Variants in FRMD4A observed in about 807,000 individuals in gnomAD.
FRMD4A encodes the protein FERM domain-containing protein 4A.
In FRMD4A, 29 loss-of-function variants were observed where a neutral mutation model predicts 129.1. That is an observed-to-expected ratio of 0.22 (90% CI 0.17 to 0.31). The LOEUF is 0.31. Among genes scored for constraint, FRMD4A ranks in the 10% least tolerant of loss-of-function variants. FRMD4A has a pLI of 1.00. For missense variants in FRMD4A, 1,272 were observed against 1,375.8 expected, an observed-to-expected ratio of 0.92 and a Z score of 1.19; for synonymous variants, 634 against 571.6, an observed-to-expected ratio of 1.11 and a Z score of -1.56.
At chr10:14,244,136 G>A (rs779342006) in intron 2 of FRMD4A, among the ~76,000 whole-genome samples, 1 of 152,204 alleles carries the variant, frequency 6.6e-6, no homozygotes, top group Non-Finnish European at 1.5e-5. Flanking sequence ...AGTCTTGCTT[G>A]AAAGAAAGCA....
At chr10:14,073,515 C>T (rs1204753911) in intron 2 of FRMD4A, among the ~76,000 whole-genome samples, 1 of 151,996 alleles carries the variant, frequency 6.6e-6, no homozygotes, top group Non-Finnish European at 1.5e-5. Context: ...CTGGATATAC[C>T]CTCCCAAAGC....
intron 2 of FRMD4A, among the ~76,000 whole-genome samples, chr10:14,221,769 G>C (rs1843269566): frequency 6.6e-6 from 1 of 151,938 alleles, no homozygotes; most frequent in Non-Finnish European, 1.5e-5. Flanking sequence ...TGCCCAGGCT[G>C]ATCTCAAGCT....
intron 2 of FRMD4A, among the ~76,000 whole-genome samples, chr10:14,251,107 AC>A (rs1844423892): frequency 6.6e-6 from 1 of 151,784 alleles, no homozygotes; most frequent in Non-Finnish European, 1.5e-5. Context: ...GCCCCCAATG[AC>A]CCCACCTCTT....
At chr10:13,712,395 T>A (rs2088114213) in intron 12 of FRMD4A, among the ~76,000 whole-genome samples, 2 of 151,820 alleles carry the variant, frequency 1.3e-5, no homozygotes, top group Admixed American at 1.3e-4. Context: ...GCGCCTGTAA[T>A]CCTAACTACT....
At chr10:14,010,771 A>C (rs1432684933) in intron 2 of FRMD4A, among the ~76,000 whole-genome samples, 1 of 147,652 alleles carries the variant, frequency 6.8e-6, no homozygotes, top group Non-Finnish European at 1.5e-5. Flanking sequence ...CGGCCCCCCA[A>C]AGTGCTAGGA....
At chr10:13,981,629 C>T (rs2095561202) in intron 2 of FRMD4A, among the ~76,000 whole-genome samples, 1 of 151,278 alleles carries the variant, frequency 6.6e-6, no homozygotes, top group African/African-American at 2.4e-5. Flanking sequence ...ATCCCAGCTA[C>T]TCAGGAAGCT....
Position 14,309,409 on chromosome 10 carries a change from C to G in FRMD4A, c.45+20649G>C, listed in dbSNP as rs1846463102. Among the ~76,000 whole-genome samples, 3 of 152,132 alleles carry G rather than the reference C, an allele frequency of 2.0e-5. No individual in the cohort carries two copies. The South Asian group carries it at 6.2e-4, about 32-fold the overall frequency. ...AGGCTGCAGTGAGCTGTCATCATGCCACTGCACTCCAGCCTGGGCCACAGA... is the reference window on the plus strand; with the variant it reads ...AGGCTGCAGTGAGCTGTCATCATGCGACTGCACTCCAGCCTGGGCCACAGA... On this transcript the variant is annotated intron_variant, in intron 2 of 24. Coordinates refer to ENST00000357447, the MANE Select transcript of FRMD4A (RefSeq NM_018027.5).
chr10:13,790,274 A>G (rs1564807657), intron 5 of FRMD4A, among the ~76,000 whole-genome samples: 1 of 152,236 alleles, frequency 6.6e-6, no homozygotes, highest in Non-Finnish European at 1.5e-5. Context: ...ATTTGGATGC[A>G]GAAAGACGAC....
At chr10:13,968,178 G>A (rs932536849) in intron 2 of FRMD4A, among the ~76,000 whole-genome samples, 4 of 152,114 alleles carry the variant, frequency 2.6e-5, no homozygotes, top group South Asian at 2.1e-4. Flanking sequence ...CCTAAGCCCC[G>A]GATCAACTAA....
At chr10:13,801,886 A>G (rs77784893) in intron 4 of FRMD4A, among the ~76,000 whole-genome samples, 10,877 of 152,192 alleles carry the variant, frequency 0.071, 462 homozygotes, top group African/African-American at 0.12. Flanking sequence ...ACGAAAAGTC[A>G]TAAAGAAGCA....
At chr10:14,175,717 G>T (rs1452946163) in intron 2 of FRMD4A, among the ~76,000 whole-genome samples, 1 of 151,928 alleles carries the variant, frequency 6.6e-6, no homozygotes, top group Non-Finnish European at 1.5e-5. Context: ...TGGAGACAGG[G>T]TCTTGCTATG....
At chr10:13,800,985 A>G (rs1007599637) in intron 4 of FRMD4A, among the ~76,000 whole-genome samples, 7 of 152,256 alleles carry the variant, frequency 4.6e-5, no homozygotes, top group Non-Finnish European at 1.0e-4. Flanking sequence ...ACAGTGGCTC[A>G]TGCCTGTAAT....
chr10:14,109,449 G>A (rs917917610), intron 2 of FRMD4A, among the ~76,000 whole-genome samples: 4 of 152,232 alleles, frequency 2.6e-5, no homozygotes, highest in South Asian at 2.1e-4. Flanking sequence ...CACGAAAAAG[G>A]CAACAGATAT....
intron 2 of FRMD4A, among the ~76,000 whole-genome samples, chr10:14,295,645 G>A (rs1845984395): frequency 6.6e-6 from 1 of 152,178 alleles, no homozygotes; most frequent in Non-Finnish European, 1.5e-5. Context: ...GAGATGAGGA[G>A]GGGATGGCGC....
chr10:13,869,754 G>C (rs892438212), intron 2 of FRMD4A, among the ~76,000 whole-genome samples: 1 of 152,216 alleles, frequency 6.6e-6, no homozygotes, highest in African/African-American at 2.4e-5. Flanking sequence ...GCCACTGTTA[G>C]AGTGTTTTCT....
intron 2 of FRMD4A, among the ~76,000 whole-genome samples, chr10:14,229,791 C>A (rs1014409940): frequency 6.6e-6 from 1 of 152,146 alleles, no homozygotes; most frequent in Non-Finnish European, 1.5e-5. Context: ...ATCAACACAT[C>A]CTATATAAAA....
chr10:14,247,187 C>T (rs1233250624), intron 2 of FRMD4A, among the ~76,000 whole-genome samples: 1 of 152,090 alleles, frequency 6.6e-6, no homozygotes, highest in Non-Finnish European at 1.5e-5. Flanking sequence ...GACCCAAAGA[C>T]CAGTGGGAGA....
chr10:14,040,637 T>C (rs1447833952), intron 2 of FRMD4A, among the ~76,000 whole-genome samples: 1 of 152,236 alleles, frequency 6.6e-6, no homozygotes, highest in East Asian at 1.9e-4. Flanking sequence ...GCATGGTGCC[T>C]GCGACCAGAA....
At chr10:13,698,437 C>T (rs1022042930) in intron 14 of FRMD4A, among the ~76,000 whole-genome samples, 3 of 152,154 alleles carry the variant, frequency 2.0e-5, no homozygotes, top group Non-Finnish European at 2.9e-5. Context: ...ACCCAGAGGC[C>T]GTGCTGCCCA....
Sources: gnomAD v4.1 joint callset for allele counts (sites outside exome capture counted in the v4.1 genomes callset) on GRCh38, gnomAD v4.1.1 for gene constraint, MANE v1.5 for transcripts, NCBI Gene and HGNC (gene_info 2026-07-23, HGNC 2026-07-21) for gene names.